Variants in CDC42BPA observed in about 807,000 individuals in gnomAD.
The protein encoded by CDC42BPA is serine/threonine-protein kinase MRCK alpha.
Under a neutral mutation model 223.5 loss-of-function variants are expected in CDC42BPA, and 80 were observed. The observed-to-expected ratio is 0.36, with a 90% CI of 0.30 to 0.43. CDC42BPA has a LOEUF of 0.43. Ranked by LOEUF, CDC42BPA falls within the 20% of genes least tolerant of loss-of-function variation. CDC42BPA has a pLI of 1.00. For synonymous variants in CDC42BPA, 694 were observed against 718.6 expected (o/e 0.97, Z 0.55); for missense variants, 1,743 against 2,099.9 (o/e 0.83, Z 3.32).
intron 23 of CDC42BPA, among the ~76,000 whole-genome samples, chr1:227,045,369 TTTAAATCTCC>T (rs1672233071): frequency 6.6e-6 from 1 of 152,326 alleles, no homozygotes; most frequent in African/African-American, 2.4e-5. Flanking sequence ...TGTGATCTTT[TTTAAATCTCC>T]TTAAAGGTTT....
At chr1:227,063,456 C>G (rs552742485) in intron 21 of CDC42BPA, among the ~76,000 whole-genome samples, 1 of 151,834 alleles carries the variant, frequency 6.6e-6, no homozygotes, top group African/African-American at 2.4e-5. Context: ...TAATAAAATA[C>G]CAAAGAAGAA....
chr1:227,089,651 TAA>T (rs67536577), intron 16 of CDC42BPA, among the ~76,000 whole-genome samples: 5 of 118,858 alleles, frequency 4.2e-5, no homozygotes, highest in Non-Finnish European at 8.9e-5. Context: ...TTTTTTTTTT[TAA>T]AAACAAACTA....
intron 26 of CDC42BPA, among the ~76,000 whole-genome samples, chr1:227,033,794 A>G (rs991003048): frequency 5.3e-5 from 8 of 152,146 alleles, no homozygotes; most frequent in Admixed American, 6.5e-5. Flanking sequence ...TGTTCCTTCA[A>G]CATCTACAAC....
At chr1:227,051,322 T>C (rs1407455824) in intron 22 of CDC42BPA, among the ~76,000 whole-genome samples, 1 of 152,222 alleles carries the variant, frequency 6.6e-6, no homozygotes, top group Admixed American at 6.5e-5. Flanking sequence ...ATGATCTCTG[T>C]TAAGAAAATT....
intron 6 of CDC42BPA, among the ~76,000 whole-genome samples, chr1:227,157,041 T>G (rs922474830): frequency 7.2e-5 from 11 of 152,262 alleles, no homozygotes; most frequent in Non-Finnish European, 1.6e-4. Context: ...CATATACATA[T>G]CTTCCATTGT....
At chr1:227,072,140 C>T (rs1044093379) in intron 20 of CDC42BPA, 68 bp downstream of exon 20, 2 of 874,620 alleles carry the variant, frequency 2.3e-6, no homozygotes, top group African/African-American at 3.4e-5. Flanking sequence ...TGAATTGATT[C>T]TTCTGTAATA....
intron 15 of CDC42BPA, among the ~76,000 whole-genome samples, chr1:227,099,646 A>T (rs932149929): frequency 6.6e-6 from 1 of 151,952 alleles, no homozygotes; most frequent in Non-Finnish European, 1.5e-5. Context: ...TTTTCCCATC[A>T]TTCTACTTGA....
At chr1:227,266,172 T>C (rs1684961595) in intron 1 of CDC42BPA, among the ~76,000 whole-genome samples, 1 of 152,224 alleles carries the variant, frequency 6.6e-6, no homozygotes, top group Non-Finnish European at 1.5e-5. Flanking sequence ...TATAAGCCCT[T>C]TCCCCTTTTC....
At position 227,147,381 on chromosome 1, in the gene CDC42BPA, T is replaced by C; in HGVS notation, c.872A>G (p.Tyr291Cys). ...PFYAESLVETYGKIMNHKERF... is the reference protein window; with the variant it reads ...PFYAESLVETCGKIMNHKERF... ...AACTTTGTGGTTCATGATTTTTCCG[T>C]ATGTCTCCACCAGCGATTCTGCATA... is the stretch of plus-strand genomic sequence containing the variant. The change falls in exon 7 of 37, where the codon TAC becomes TGC. Residue 291 changes from tyrosine (Y) to cysteine (C), a missense_variant. By Grantham distance (194) the Tyr-to-Cys change is radical. Around this residue, in one of 6 missense-constraint regions of CDC42BPA, gnomAD observed 321 missense variants for 488.7 expected, o/e 0.66. Transcript: ENST00000366766. The C allele has an allele frequency of 6.2e-7, 1 of 1,611,428 alleles. No individual in the cohort carries two copies.
chr1:227,022,605 A>T (rs1371260702), intron 32 of CDC42BPA, among the ~76,000 whole-genome samples: 1 of 152,206 alleles, frequency 6.6e-6, no homozygotes, highest in Admixed American at 6.5e-5. Context: ...TGTTCGTTAA[A>T]AGTGAGACTT....
Position 227,193,792 on chromosome 1 carries a change from A to G in CDC42BPA, c.593T>C (p.Val198Ala). The G allele has an allele frequency of 6.2e-7, 1 of 1,611,328 alleles. No homozygotes were observed. Among genetic ancestry groups the G allele is most frequent in the South Asian group, 1.1e-5 (1 of 90,330 alleles). The change falls in exon 5 of 37, where the codon GTA becomes GCA. Residue 198 changes from valine to alanine, a missense_variant. Val to Ala is a moderately conservative substitution (Grantham distance 64). This residue lies in a region of CDC42BPA where 321 missense variants were observed against 488.7 expected (regional missense o/e 0.66). Coordinates refer to ENST00000366766, the MANE Select transcript of CDC42BPA (RefSeq NM_001394014.1). ...AIDSVHQLHYVHRDIKPDNIL... is the reference protein window; with the variant it reads ...AIDSVHQLHYAHRDIKPDNIL... ...CAATGAAGGACTGTTTTACCTGTGT[A>G]CATAATGTAGCTGATGAACTGAGTC...
intron 12 of CDC42BPA, among the ~76,000 whole-genome samples, chr1:227,117,199 C>T (rs1404438108): frequency 1.3e-5 from 2 of 151,928 alleles, no homozygotes; most frequent in Non-Finnish European, 2.9e-5. Context: ...AATAACAATC[C>T]GTTCTATTCT....
At chr1:227,273,716 A>T (rs1686378926) in intron 1 of CDC42BPA, among the ~76,000 whole-genome samples, 1 of 152,110 alleles carries the variant, frequency 6.6e-6, no homozygotes, top group South Asian at 2.1e-4. Flanking sequence ...CAGGTAGCAC[A>T]TGTGATCTGT....
intron 23 of CDC42BPA, among the ~76,000 whole-genome samples, chr1:227,046,055 C>G (rs1018696026): frequency 6.6e-6 from 1 of 152,158 alleles, no homozygotes; most frequent in African/African-American, 2.4e-5. Context: ...ATCAGCCCGC[C>G]TAAGCCTCCC....
chr1:227,248,378 A>ACAC (rs200492280), intron 2 of CDC42BPA, among the ~76,000 whole-genome samples: 13 of 151,242 alleles, frequency 8.6e-5, no homozygotes, highest in African/African-American at 2.4e-4. Flanking sequence ...CACACACACA[A>ACAC]AAAAACTTAT....
chr1:227,014,408 A>G (rs1665816283), intron 34 of CDC42BPA, among the ~76,000 whole-genome samples: 1 of 152,092 alleles, frequency 6.6e-6, no homozygotes, highest in Non-Finnish European at 1.5e-5. Context: ...TGAATATATA[A>G]TAATATTTTG....
chr1:227,117,700 A>C (rs1023426630), intron 12 of CDC42BPA, among the ~76,000 whole-genome samples: 4 of 151,820 alleles, frequency 2.6e-5, no homozygotes, highest in African/African-American at 9.7e-5. Context: ...TAAAACTTTA[A>C]GATAAAAATT....
chr1:227,178,100 A>T (rs1667275439), intron 5 of CDC42BPA, among the ~76,000 whole-genome samples: 1 of 152,192 alleles, frequency 6.6e-6, no homozygotes, highest in Non-Finnish European at 1.5e-5. Context: ...TAAATGCTTT[A>T]AAGTCTTTGT....
intron 6 of CDC42BPA, among the ~76,000 whole-genome samples, chr1:227,147,916 C>T (rs1289883146): frequency 3.3e-5 from 5 of 151,154 alleles, no homozygotes; most frequent in Non-Finnish European, 4.4e-5. Flanking sequence ...AAAATGAAAC[C>T]GTCAAAATTG....
Sources: gnomAD v4.1 joint callset for allele counts (sites outside exome capture counted in the v4.1 genomes callset) on GRCh38, gnomAD v4.1.1 for gene constraint, gnomAD v4.1.1 regional missense constraint, MANE v1.5 for transcripts, NCBI Gene and HGNC (gene_info 2026-07-23, HGNC 2026-07-21) for gene names.